The following IPO8 variants were observed in gnomAD, a reference collection of about 807,000 sequenced individuals.
The protein encoded by IPO8 is importin-8.
In IPO8, 65 loss-of-function variants were observed where a neutral mutation model predicts 141.2. The observed-to-expected ratio is 0.46, with a 90% CI of 0.38 to 0.57. The LOEUF is 0.57. Among genes scored for constraint, IPO8 ranks in the 20% least tolerant of loss-of-function variants. The probability of loss-of-function intolerance (pLI) is 0.00; values close to 1 mark genes in which losing one functional copy is unlikely to be tolerated. For missense variants in IPO8, 980 were observed against 1,246.8 expected (o/e 0.79, Z 3.22); for synonymous variants, 411 against 420.3 (o/e 0.98, Z 0.27).
intron 6 of IPO8, among the ~76,000 whole-genome samples, chr12:30,675,234 ATAAAT>A (rs2053104172): frequency 6.6e-6 from 1 of 152,242 alleles, no homozygotes; most frequent in South Asian, 2.1e-4. Flanking sequence ...AACTAATGTG[ATAAAT>A]TAAAGATAGT....
chr12:30,655,963 A>G (rs1489297038), intron 17 of IPO8, among the ~76,000 whole-genome samples: 1 of 152,182 alleles, frequency 6.6e-6, no homozygotes, highest in Non-Finnish European at 1.5e-5. Flanking sequence ...CCTCTACAAA[A>G]TTCCCATCAG....
In IPO8 at chr12:30,662,467, G is replaced by A. The variant is rs758161093; in HGVS notation, c.1615C>T (p.His539Tyr). 162 of 1,611,272 alleles carry A rather than the reference G, an allele frequency of 1.0e-4. 4 individuals are homozygous for A. In the South Asian group the frequency reaches 1.7e-3, roughly 17 times the overall value. Residue 539 changes from histidine to tyrosine, a missense_variant, in exon 15 of 25, where the codon CAT becomes TAT. Coordinates refer to ENST00000256079, the MANE Select transcript of IPO8 (RefSeq NM_006390.4). The part of the protein sequence containing the change: ...QIQAKEYMKP[H>Y]VRPIMQELLH... Reference sequence around the variant, plus strand: ...AGTTCCTGCATAATAGGCCTCACATGTGGCTTCATATATTCCTTAGCTAAT... The same window carrying A: ...AGTTCCTGCATAATAGGCCTCACATATGGCTTCATATATTCCTTAGCTAAT...
intron 19 of IPO8, 33 bp from the exon 20 acceptor site, chr12:30,649,265 T>TG (rs2052691487): frequency 1.4e-6 from 2 of 1,460,560 alleles, no homozygotes; most frequent in Non-Finnish European, 1.9e-6. Flanking sequence ...CAGCAGTAAG[T>TG]GGCACTGCAT....
chr12:30,655,185 T>C (rs1383291753), intron 17 of IPO8, among the ~76,000 whole-genome samples: 2 of 152,180 alleles, frequency 1.3e-5, no homozygotes, highest in Non-Finnish European at 2.9e-5. Flanking sequence ...TTTTGACAAA[T>C]GTATAGTGAC....
intron 19 of IPO8, among the ~76,000 whole-genome samples, chr12:30,650,451 T>C (rs868144422): frequency 6.6e-6 from 1 of 152,122 alleles, no homozygotes; most frequent in Non-Finnish European, 1.5e-5. Context: ...AAGAGTCAAC[T>C]GTATTTACAT....
intron 10 of IPO8, among the ~76,000 whole-genome samples, chr12:30,666,769 G>A (rs1463466126): frequency 1.3e-5 from 2 of 152,118 alleles, no homozygotes; most frequent in African/African-American, 2.4e-5. Context: ...TAGGGTGTTA[G>A]CAAAAGCCTC....
chr12:30,691,582 A>G (rs2053291559), intron 1 of IPO8, among the ~76,000 whole-genome samples: 1 of 152,200 alleles, frequency 6.6e-6, no homozygotes, highest in African/African-American at 2.4e-5. Context: ...GAGTCCACAT[A>G]TGCCTTTGTC....
intron 16 of IPO8, among the ~76,000 whole-genome samples, chr12:30,658,385 A>G (rs4335626): frequency 0.21 from 31,938 of 152,156 alleles, 3,551 homozygotes; most frequent in East Asian, 0.3. Context: ...TTTGCCTGTA[A>G]TTATTCATGG....
At chr12:30,642,320 G>T (rs776200901) in intron 20 of IPO8, among the ~76,000 whole-genome samples, 6 of 152,108 alleles carry the variant, frequency 3.9e-5, no homozygotes, top group Non-Finnish European at 7.4e-5. Flanking sequence ...GTTGAAAAAT[G>T]ATCTGTTGGG....
chr12:30,638,202 T>C (rs1416975407), intron 21 of IPO8, among the ~76,000 whole-genome samples: 1 of 152,202 alleles, frequency 6.6e-6, no homozygotes, highest in African/African-American at 2.4e-5. Flanking sequence ...AATAAACACA[T>C]AAGAGAACCA....
At chr12:30,660,695 C>A (rs915897551) in intron 16 of IPO8, among the ~76,000 whole-genome samples, 1 of 152,030 alleles carries the variant, frequency 6.6e-6, no homozygotes, top group Non-Finnish European at 1.5e-5. Context: ...TATTCCTTTC[C>A]ATTTTTACAG....
chr12:30,635,365 A>C (rs1266532995), intron 22 of IPO8, among the ~76,000 whole-genome samples: 1 of 152,142 alleles, frequency 6.6e-6, no homozygotes, highest in Non-Finnish European at 1.5e-5. Flanking sequence ...TGGATATATT[A>C]GTTTGATTTA....
At position 30,675,673 on chromosome 12, in the gene IPO8, A is replaced by G. The variant is rs1291613848; in HGVS notation, c.729+825T>C. On this transcript the variant is annotated intron_variant, in intron 6 of 24. Coordinates refer to ENST00000256079, the MANE Select transcript of IPO8 (RefSeq NM_006390.4). ...AAACCCTGTCTCTACTAAAAAAAAA[A>G]ACAAAAAAAACAAAAAAAAAATTAG... Among the ~76,000 whole-genome samples the G allele has an allele frequency of 3.3e-5, 5 of 151,214 alleles. No homozygotes were observed. In the East Asian group the frequency reaches 7.8e-4, roughly 24 times the overall value.
chr12:30,663,435 A>G, intron 14 of IPO8, 54 bp downstream of exon 14: 1 of 1,475,732 alleles, frequency 6.8e-7, no homozygotes, highest in South Asian at 1.3e-5. Context: ...TTCATTAGGG[A>G]AGAAAGTAAA....
At chr12:30,662,278 A>T in intron 15 of IPO8, 49 bp downstream of exon 15, 2 of 1,480,170 alleles carry the variant, frequency 1.4e-6, no homozygotes, top group Non-Finnish European at 1.9e-6. Context: ...GTTTATTTAG[A>T]TTACTCAAGG....
At chr12:30,691,306 G>A (rs950188180) in intron 1 of IPO8, among the ~76,000 whole-genome samples, 1 of 152,132 alleles carries the variant, frequency 6.6e-6, no homozygotes, top group Non-Finnish European at 1.5e-5. Flanking sequence ...CACGAGATGG[G>A]GTTGAGCACA....
At position 30,665,028 on chromosome 12, in the gene IPO8, C is replaced by G. The variant is rs184967144; in HGVS notation, c.1428+192G>C. ...GTGCTGGGATTACAGGCATGAGCCACTGCGCCCAGCCTATAAATCTTTTTC... is the reference window on the plus strand; with the variant it reads ...GTGCTGGGATTACAGGCATGAGCCAGTGCGCCCAGCCTATAAATCTTTTTC... On this transcript the variant is annotated intron_variant, in intron 13 of 24. Transcript: ENST00000256079. Among the ~76,000 whole-genome samples, 91 of 152,382 alleles carry G rather than the reference C, an allele frequency of 6.0e-4. No homozygotes were observed. In the Middle Eastern group the frequency reaches 0.01, roughly 17 times the overall value.
chr12:30,657,578 C>G (rs1395881202), intron 16 of IPO8, among the ~76,000 whole-genome samples: 1 of 152,222 alleles, frequency 6.6e-6, no homozygotes, highest in East Asian at 1.9e-4. Context: ...CAAAATGACA[C>G]ATAAAAGGCC....
intron 5 of IPO8, among the ~76,000 whole-genome samples, chr12:30,677,507 A>G (rs904165233): frequency 6.6e-6 from 1 of 151,746 alleles, no homozygotes; most frequent in Admixed American, 6.6e-5. Context: ...TTTTTAAGTT[A>G]TCTAAAACAG....
Sources: allele counts gnomAD v4.1 joint callset (sites outside exome capture counted in the v4.1 genomes callset), GRCh38; gene constraint gnomAD v4.1.1; transcripts MANE v1.5; gene names NCBI Gene and HGNC (gene_info 2026-07-23, HGNC 2026-07-21).